TIA1: variants seen among roughly 807,000 people sequenced by gnomAD.
TIA1 encodes TIA1 cytotoxic granule associated RNA binding protein.
TIA1 carries 23 observed loss-of-function variants against 65.9 expected under a neutral mutation model. The ratio of observed to expected loss-of-function variants is 0.35; its 90% CI spans 0.25 to 0.49. The LOEUF (loss-of-function observed/expected upper bound fraction) is 0.49, where lower values mean the gene tolerates loss of function less well. TIA1 is among the 20% of genes least tolerant of loss of function. The probability of loss-of-function intolerance (pLI) is 0.98; values close to 1 mark genes in which losing one functional copy is unlikely to be tolerated. For missense variants in TIA1, 371 were observed against 477.9 expected (o/e 0.78, Z 2.09); for synonymous variants, 147 against 149.4 (o/e 0.98, Z 0.12).
At chr2:70,248,641 T>C (rs1695611822), upstream of TIA1, 1 of 664,576 alleles carries the variant, frequency 1.5e-6, no homozygotes, top group Non-Finnish European at 2.5e-6. Flanking sequence ...GCCGGGAGCC[T>C]AGGAGCAGCC....
At chr2:70,236,892 T>A (rs1689237876) in intron 1 of TIA1, among the ~76,000 whole-genome samples, 1 of 152,202 alleles carries the variant, frequency 6.6e-6, no homozygotes, top group African/African-American at 2.4e-5. Context: ...CCTCCCAAAG[T>A]GTAATCTTAA....
chr2:70,237,579 T>C (rs993454921), intron 1 of TIA1, among the ~76,000 whole-genome samples: 2 of 151,756 alleles, frequency 1.3e-5, no homozygotes, highest in Middle Eastern at 3.2e-3. Context: ...TCTTATACAA[T>C]AATGGCTGGG....
chr2:70,230,914 T>A (rs1685976338), intron 2 of TIA1, 60 bp from the exon 3 acceptor site: 2 of 1,376,506 alleles, frequency 1.5e-6, no homozygotes, highest in African/African-American at 2.9e-5. Flanking sequence ...ACCTTAAAAT[T>A]ATGTAAAAAA....
Position 70,214,609 on chromosome 2 carries a change from C to T in TIA1, c.889-115G>A, listed in dbSNP as rs377005820. On this transcript the variant is annotated intron_variant, in intron 11 of 12. Coordinates refer to ENST00000433529, the MANE Select transcript of TIA1 (RefSeq NM_022173.4). ...AGGGCCATCATTACAATTAAAATGA[C>T]AGGATAAACAAGAGTTGACTGCTAA... The T allele has an allele frequency of 8.7e-5, 47 of 542,380 alleles. 1 individual carries two copies. The South Asian group carries it at 2.8e-3, about 32-fold the overall frequency. The allele number at this position is 542,380 out of a possible 1,614,324, so 33.6% of individuals were successfully genotyped here.
At chr2:70,215,216 T>C (rs1255550379) in intron 11 of TIA1, 155 bp downstream of exon 11, 2 of 922,494 alleles carry the variant, frequency 2.2e-6, no homozygotes, top group Non-Finnish European at 3.2e-6. Context: ...CTGCAATCCA[T>C]GAAACACCAT....
intron 7 of TIA1, among the ~76,000 whole-genome samples, chr2:70,220,755 G>A (rs147172568): frequency 0.011 from 1,667 of 152,150 alleles, 13 homozygotes; most frequent in Non-Finnish European, 0.017. Context: ...ATCTATGTTG[G>A]TGGTTGTGAA....
chr2:70,217,080 T>C (rs1678917911), intron 7 of TIA1, 86 bp from the exon 8 acceptor site: 3 of 1,373,506 alleles, frequency 2.2e-6, no homozygotes. Context: ...ACTTGGTGCT[T>C]TTCACAAATG....
chr2:70,230,710 T>G (rs895805483), intron 3 of TIA1, 46 bp downstream of exon 3: 1 of 1,410,380 alleles, frequency 7.1e-7, no homozygotes, highest in Admixed American at 2.3e-5. Context: ...ATATATAACT[T>G]AAATTTTTTC....
intron 1 of TIA1, among the ~76,000 whole-genome samples, chr2:70,246,072 C>A (rs1021263121): frequency 2.6e-5 from 4 of 151,990 alleles, no homozygotes; most frequent in Admixed American, 6.6e-5. Flanking sequence ...TACAGGCATG[C>A]GCCACCATGC....
At chr2:70,232,643 T>C (rs1203122138) in intron 2 of TIA1, among the ~76,000 whole-genome samples, 2 of 141,158 alleles carry the variant, frequency 1.4e-5, no homozygotes, top group African/African-American at 5.4e-5. Context: ...ATGAGGCAGG[T>C]GGATCACCTG....
chr2:70,214,584 A>T, intron 11 of TIA1, 90 bp from the exon 12 acceptor site: 1 of 975,886 alleles, frequency 1.0e-6, no homozygotes, highest in Non-Finnish European at 1.4e-6. Flanking sequence ...CAAAACACAC[A>T]GGGCCATCAT....
chr2:70,221,483 G>C (rs985684294), intron 7 of TIA1, among the ~76,000 whole-genome samples: 4 of 151,792 alleles, frequency 2.6e-5, no homozygotes, highest in Admixed American at 2.6e-4. Context: ...AAAAAAAAGA[G>C]AGATCCTAGG....
Position 70,212,825 on chromosome 2 carries a change from G to A in TIA1, c.1055C>T (p.Pro352Leu), listed in dbSNP as rs1319719621. The change falls in exon 13 of 13, where the codon CCA (proline) becomes CTA (leucine). Residue 352 changes from proline (P) to leucine (L), a missense_variant. Physicochemically the swap from Pro to Leu is moderately conservative, Grantham distance 98 (BLOSUM62 -3). Coordinates refer to ENST00000433529, the MANE Select transcript of TIA1 (RefSeq NM_022173.4). Reference protein sequence around the residue: ...QGFNQTQSSAPWMGPNYGVQP... With the variant: ...QGFNQTQSSALWMGPNYGVQP... ...CACTCCATAATTTGGTCCCATCCAT[G>A]GTGCAGAAGACTGTGTCTGACTGGT... 6.2e-7 allele frequency: 1 copy of A among 1,613,906 alleles called. No individual in the cohort carries two copies. The highest frequency in any genetic ancestry group is 1.1e-5 in the South Asian group (1 of 91,072).
chr2:70,238,944 GC>G (rs879422037), intron 1 of TIA1, among the ~76,000 whole-genome samples: 6 of 152,012 alleles, frequency 3.9e-5, no homozygotes, highest in Non-Finnish European at 5.9e-5. Context: ...ATGTCCCATG[GC>G]ATGGTCCCAG....
intron 1 of TIA1, among the ~76,000 whole-genome samples, chr2:70,246,112 C>G (rs1340457917): frequency 6.6e-6 from 1 of 152,086 alleles, no homozygotes; most frequent in South Asian, 2.1e-4. Context: ...GTAGTAGAGA[C>G]AGGGTTTCGC....
At position 70,212,840 on chromosome 2, in the gene TIA1, G is replaced by T. The variant is rs1676846528; in HGVS notation, c.1040C>A (p.Thr347Lys). The T allele has an allele frequency of 6.2e-7, 1 of 1,612,410 alleles. No homozygotes were observed. The highest frequency in any genetic ancestry group is 8.5e-7 in the Non-Finnish European group (1 of 1,178,472). Reference protein sequence around the residue: ...QAWNQQGFNQTQSSAPWMGPN... With the variant: ...QAWNQQGFNQKQSSAPWMGPN... ...TCCCATCCATGGTGCAGAAGACTGT[G>T]TCTGACTGGTGGAGAATGTGAAAGA... Residue 347 changes from threonine (T) to lysine (K), a missense_variant, in exon 13 of 13, where the codon ACA (threonine) becomes AAA (lysine). Physicochemically the swap from Thr to Lys is moderately conservative, Grantham distance 78. Transcript: ENST00000433529.
intron 1 of TIA1, among the ~76,000 whole-genome samples, chr2:70,244,080 T>C (rs1311942061): frequency 6.6e-6 from 1 of 152,186 alleles, no homozygotes; most frequent in East Asian, 1.9e-4. Flanking sequence ...TCTGACCTCA[T>C]TTCCTACTCC....
intron 1 of TIA1, among the ~76,000 whole-genome samples, chr2:70,247,978 G>A (rs1295825725): frequency 6.6e-6 from 1 of 151,606 alleles, no homozygotes; most frequent in African/African-American, 2.4e-5. Context: ...AATTTCAGTA[G>A]GAAATCAAAA....
intron 7 of TIA1, among the ~76,000 whole-genome samples, chr2:70,220,872 GA>G (rs1450442552): frequency 6.6e-6 from 1 of 151,584 alleles, no homozygotes; most frequent in Admixed American, 6.6e-5. Context: ...TTTTGATTAA[GA>G]GATACTAGAT....
Sources: allele counts gnomAD v4.1 joint callset (sites outside exome capture counted in the v4.1 genomes callset), GRCh38; gene constraint gnomAD v4.1.1; transcripts MANE v1.5; gene names NCBI Gene and HGNC (gene_info 2026-07-23, HGNC 2026-07-21).